Variants in FLI1 observed in about 807,000 individuals in gnomAD.
FLI1 encodes Fli-1 proto-oncogene, ETS transcription factor.
In FLI1, 13 loss-of-function variants were observed where a neutral mutation model predicts 53.1. The ratio of observed to expected loss-of-function variants is 0.24; its 90% CI spans 0.16 to 0.39. The LOEUF (loss-of-function observed/expected upper bound fraction) is 0.39. Among genes scored for constraint, FLI1 ranks in the 10% least tolerant of loss-of-function variants. The probability of loss-of-function intolerance (pLI) is 1.00; values close to 1 mark genes in which losing one functional copy is unlikely to be tolerated. For synonymous variants in FLI1, 244 were observed against 236.7 expected (o/e 1.03, Z -0.28); for missense variants, 424 against 600.5 (o/e 0.71, Z 3.07).
intron 1 of FLI1, among the ~76,000 whole-genome samples, chr11:128,711,053 A>G (rs1938764463): frequency 6.6e-6 from 1 of 152,236 alleles, no homozygotes; most frequent in African/African-American, 2.4e-5. Context: ...CCTGTTCTGC[A>G]CTGTTCACTA....
chr11:128,767,059 C>T (rs951416087), intron 2 of FLI1, among the ~76,000 whole-genome samples: 5 of 152,026 alleles, frequency 3.3e-5, no homozygotes, highest in Non-Finnish European at 5.9e-5. Context: ...GCTGGAGGTG[C>T]GTGATGCTGG....
At chr11:128,699,212 T>A (rs999525730) in intron 1 of FLI1, among the ~76,000 whole-genome samples, 1 of 152,242 alleles carries the variant, frequency 6.6e-6, no homozygotes, top group African/African-American at 2.4e-5. Flanking sequence ...TGTTTGGGGT[T>A]AAACAGTTAA....
chr11:128,713,068 C>T (rs1213335572), intron 1 of FLI1, among the ~76,000 whole-genome samples: 1 of 152,102 alleles, frequency 6.6e-6, no homozygotes, highest in Admixed American at 6.5e-5. Context: ...ATCCTGTGTC[C>T]ATCACTGAAT....
At chr11:128,746,012 A>G (rs1209988086) in intron 1 of FLI1, among the ~76,000 whole-genome samples, 2 of 152,242 alleles carry the variant, frequency 1.3e-5, no homozygotes, top group Middle Eastern at 3.2e-3. Flanking sequence ...AATTTGAACA[A>G]GAAACAGTCA....
In FLI1 at chr11:128,763,607, C is replaced by A. The variant is rs560454093; in HGVS notation, c.231-4511C>A. ...GGCCTGGCCCCCAGGGTCTGGATGC[C>A]CTGGACACCTAGGGACTCACATTCC... On this transcript the variant is annotated intron_variant, in intron 2 of 8. Transcript: ENST00000527786. 8.5e-5 allele frequency among the ~76,000 whole-genome samples: 13 copies of A among 152,260 alleles called. 1 individual carries two copies. In the South Asian group the frequency reaches 2.7e-3, roughly 32 times the overall value.
intron 4 of FLI1, among the ~76,000 whole-genome samples, chr11:128,775,809 G>A (rs1488961212): frequency 2.0e-5 from 3 of 152,182 alleles, no homozygotes; most frequent in Non-Finnish European, 2.9e-5. Context: ...GGAAGGTGGG[G>A]CTCAGATATT....
intron 4 of FLI1, among the ~76,000 whole-genome samples, chr11:128,773,218 C>G (rs1282769500): frequency 6.6e-6 from 1 of 152,184 alleles, no homozygotes; most frequent in African/African-American, 2.4e-5. Context: ...AGAGCTGTGA[C>G]CTGGAGGGGT....
At chr11:128,694,704 G>A (rs1937958661) in intron 1 of FLI1, among the ~76,000 whole-genome samples, 1 of 152,202 alleles carries the variant, frequency 6.6e-6, no homozygotes, top group African/African-American at 2.4e-5. Flanking sequence ...GAACACGGCG[G>A]GGGCGGGGGC....
intron 2 of FLI1, among the ~76,000 whole-genome samples, chr11:128,766,576 A>T (rs1029988600): frequency 4.6e-5 from 7 of 152,024 alleles, no homozygotes; most frequent in Non-Finnish European, 8.8e-5. Flanking sequence ...AAACAAATTC[A>T]TTTAATTTTC....
At chr11:128,721,096 G>T (rs866406025) in intron 1 of FLI1, among the ~76,000 whole-genome samples, 2 of 152,320 alleles carry the variant, frequency 1.3e-5, no homozygotes, top group South Asian at 4.1e-4. Context: ...ACTAGGGGCT[G>T]GCAAGTTCGT....
chr11:128,694,027 A>G, upstream of FLI1: 1 of 410,596 alleles, frequency 2.4e-6, no homozygotes, highest in Non-Finnish European at 4.4e-6. Context: ...AAGTGAAGTC[A>G]CTTCCCAAAA....
At position 128,784,262 on chromosome 11, in the gene FLI1, C is replaced by G. The variant is rs796386091; in HGVS notation, c.655+2239C>G. Reference sequence around the variant, plus strand: ...TCCTCCTCCTCCTCCTCCTCCTCCTCCTCCTCCTGCTGTCTTATTGTTCAG... The same window carrying G: ...TCCTCCTCCTCCTCCTCCTCCTCCTGCTCCTCCTGCTGTCTTATTGTTCAG... On this transcript the variant is annotated intron_variant, in intron 5 of 8. Coordinates refer to ENST00000527786, the MANE Select transcript of FLI1 (RefSeq NM_002017.5). Among the ~76,000 whole-genome samples, 147 of 111,644 alleles carry G rather than the reference C, an allele frequency of 1.3e-3. 1 individual carries two copies. Among genetic ancestry groups the G allele is most frequent in the African/African-American group, 4.9e-3 (133 of 27,360 alleles). 73.2% of individuals were successfully genotyped at this position (111,644 alleles called of 152,430 possible).
At chr11:128,730,279 G>A (rs2135752176) in intron 1 of FLI1, among the ~76,000 whole-genome samples, 1 of 152,294 alleles carries the variant, frequency 6.6e-6, no homozygotes, top group East Asian at 1.9e-4. Context: ...ATCTCAAAGA[G>A]GTTTCCTAAT....
intron 3 of FLI1, among the ~76,000 whole-genome samples, chr11:128,771,452 G>A (rs1941553366): frequency 6.6e-6 from 1 of 152,244 alleles, no homozygotes; most frequent in South Asian, 2.1e-4. Flanking sequence ...GTGGATGCTT[G>A]TGTAAAAGTG....
chr11:128,694,351 G>GCCCGCGT, intron 1 of FLI1, 75 bp downstream of exon 1: 3 of 1,173,746 alleles, frequency 2.6e-6, no homozygotes. Context: ...TAGGTGCGGG[G>GCCCGCGT]CCCGCGTCCC....
intron 1 of FLI1, among the ~76,000 whole-genome samples, chr11:128,740,347 T>G (rs963874312): frequency 1.3e-5 from 2 of 152,230 alleles, no homozygotes; most frequent in Admixed American, 6.5e-5. Context: ...ACTTCTTCCC[T>G]TTCAAAGTAA....
At position 128,810,970 on chromosome 11, in the gene FLI1, C is replaced by T. The variant is rs931533717; in HGVS notation, c.1341C>T (p.His447=). 3 of 1,613,904 alleles carry T rather than the reference C, an allele frequency of 1.9e-6. No homozygotes were observed. Among genetic ancestry groups the T allele is most frequent in the African/African-American group, 1.3e-5 (1 of 74,934 alleles). Residue 447 remains histidine, a synonymous_variant, in exon 9 of 9, where the codon CAC becomes CAT. Coordinates refer to ENST00000527786, the MANE Select transcript of FLI1 (RefSeq NM_002017.5). The surrounding 1 kb of genome is among the most constrained non-coding windows in gnomAD (Gnocchi z 6.6). ...ATCCTAACACCCACGTGCCTTCACA[C>T]TTAGGCAGCTACTACTAGAAGCTTA... ...PRHPNTHVPS[H]LGSYY
Position 128,734,554 on chromosome 11 carries a change from G to C in FLI1, c.19-23561G>C, listed in dbSNP as rs191986752. ...CTGCAGATCGAATGCCTTCATCCTT[G>C]TGACCCGCGCTGCCTGCACTGTGGT... On this transcript the variant is annotated intron_variant, in intron 1 of 8. Transcript: ENST00000527786. Among the ~76,000 whole-genome samples, 307 of 152,302 alleles carry C rather than the reference G, an allele frequency of 2.0e-3. 1 individual carries two copies. Among genetic ancestry groups the C allele is most frequent in the Middle Eastern group, 0.014 (4 of 294 alleles).
chr11:128,699,578 T>C (rs1322263494), intron 1 of FLI1, among the ~76,000 whole-genome samples: 1 of 152,204 alleles, frequency 6.6e-6, no homozygotes, highest in Non-Finnish European at 1.5e-5. Context: ...GACTACACCC[T>C]GTTTCAATTT....
Sources: gnomAD v4.1 joint callset for allele counts (sites outside exome capture counted in the v4.1 genomes callset) on GRCh38, gnomAD v4.1.1 for gene constraint, Gnocchi (gnomAD v3.1) non-coding constraint, MANE v1.5 for transcripts, NCBI Gene and HGNC (gene_info 2026-07-23, HGNC 2026-07-21) for gene names.